Variants in ASS1 observed in about 807,000 individuals in gnomAD.
ASS1 encodes argininosuccinate synthase.
ASS1 carries 58 observed loss-of-function variants against 60.5 expected under a neutral mutation model. The ratio of observed to expected loss-of-function variants is 0.96; its 90% CI spans 0.78 to 1.19. The LOEUF (loss-of-function observed/expected upper bound fraction) is 1.19. ASS1 is among the 50% of genes most tolerant of loss of function. ASS1 has a pLI of 0.00. For synonymous variants in ASS1, 200 were observed against 206.9 expected, an observed-to-expected ratio of 0.97 and a Z score of 0.29; for missense variants, 454 against 547.3, an observed-to-expected ratio of 0.83 and a Z score of 1.70.
chr9:130,477,438 C>T lies in ASS1; in HGVS notation c.688+477C>T, dbSNP rs979793688. ...CCTGGGACCCCACATGGAAAGCCTT[C>T]GCCAGTCTTCATTGAGCCGCTCTGG... On this transcript the variant is annotated intron_variant, in intron 9 of 14. Coordinates refer to ENST00000352480, the MANE Select transcript of ASS1 (RefSeq NM_054012.4). The surrounding 1 kb of genome is among the most constrained non-coding windows in gnomAD (Gnocchi z 4.2). Among the ~76,000 whole-genome samples, 18 of 152,188 alleles carry T rather than the reference C, an allele frequency of 1.2e-4. No individual in the cohort carries two copies. Among genetic ancestry groups the T allele is most frequent in the Non-Finnish European group, 2.2e-4 (15 of 68,046 alleles).
At chr9:130,458,174 AAGAG>A (rs1014151743) in intron 3 of ASS1, among the ~76,000 whole-genome samples, 2 of 151,822 alleles carry the variant, frequency 1.3e-5, no homozygotes, top group African/African-American at 4.8e-5. Context: ...AAAAAAAAAA[AAGAG>A]AGCTATTGAT....
rs12375699 is a variant in ASS1 at position 130,489,707 on chromosome 9, C to T, written c.970+243C>T. Among the ~76,000 whole-genome samples, 48,562 of 152,060 alleles carry T rather than the reference C, an allele frequency of 0.32. 9,445 individuals carry two copies. Among genetic ancestry groups the T allele is most frequent in the Middle Eastern group, 0.48 (140 of 294 alleles). On this transcript the variant is annotated intron_variant, in intron 12 of 14. Transcript: ENST00000352480. This position sits in a 1 kb window ranked among gnomAD's most constrained non-coding sequence, Gnocchi z 4.1. ...ATGGGGTGTGTCCAGGGAGATGCACCGGCTTCCCAAGGTGTCCGGCAGCTT... is the reference window on the plus strand; with the variant it reads ...ATGGGGTGTGTCCAGGGAGATGCACTGGCTTCCCAAGGTGTCCGGCAGCTT...
intron 5 of ASS1, chr9:130,466,394 G>A (rs1845744219): frequency 2.4e-6 from 1 of 411,544 alleles, no homozygotes; most frequent in Admixed American, 3.6e-5. Flanking sequence ...GTGGCTGAAG[G>A]TGCTGGCAAG....
At chr9:130,467,536 G>A (rs770421687) in intron 6 of ASS1, among the ~76,000 whole-genome samples, 4 of 152,146 alleles carry the variant, frequency 2.6e-5, no homozygotes, top group African/African-American at 9.7e-5. Context: ...CCAAGGTGCC[G>A]CGTGGTAGGG....
At chr9:130,465,056 A>ATATATATATATATATATTTTTTTTTTTTT (rs1479147331) in intron 5 of ASS1, among the ~76,000 whole-genome samples, 1 of 120,150 alleles carries the variant, frequency 8.3e-6, no homozygotes, top group African/African-American at 3.6e-5. Flanking sequence ...ATATATATAT[A>ATATATATATATATATATTTTTTTTTTTTT]TTTTTTTTTT....
At chr9:130,499,719 C>T (rs1846696908) in intron 14 of ASS1, 149 bp downstream of exon 14, 1 of 780,552 alleles carries the variant, frequency 1.3e-6, no homozygotes, top group Non-Finnish European at 2.2e-6. Flanking sequence ...ACCCCACTTT[C>T]CTGTCCATCT....
intron 8 of ASS1, among the ~76,000 whole-genome samples, chr9:130,474,673 G>C (rs1447268885): frequency 6.6e-6 from 1 of 152,252 alleles, no homozygotes; most frequent in Non-Finnish European, 1.5e-5. Flanking sequence ...GCAGTTGGCA[G>C]GGTGGGCCAG....
At chr9:130,474,643 G>T (rs910447304) in intron 8 of ASS1, among the ~76,000 whole-genome samples, 2 of 152,214 alleles carry the variant, frequency 1.3e-5, no homozygotes, top group Admixed American at 1.3e-4. Context: ...CTTGGGACCC[G>T]TCTGTGCCCA....
chr9:130,476,972 A>T lies in ASS1; in HGVS notation c.688+11A>T, dbSNP rs1260286185. 1 of 1,611,228 alleles carries T rather than the reference A, an allele frequency of 6.2e-7. No individual in the cohort carries two copies. Among genetic ancestry groups the T allele is most frequent in the East Asian group, 2.2e-5 (1 of 44,836 alleles). On this transcript the variant is annotated intron_variant, in intron 9 of 14. Transcript: ENST00000352480. The surrounding 1 kb of genome is among the most constrained non-coding windows in gnomAD (Gnocchi z 4.9). ...TCGAGTTCAAAAAAGGTATGTGCCCACCTGTTGGGACTCGAAGGGGGTTGA... is the reference window on the plus strand; with the variant it reads ...TCGAGTTCAAAAAAGGTATGTGCCCTCCTGTTGGGACTCGAAGGGGGTTGA...
At chr9:130,456,049 G>T (rs1845442542) in intron 3 of ASS1, among the ~76,000 whole-genome samples, 1 of 152,266 alleles carries the variant, frequency 6.6e-6, no homozygotes, top group African/African-American at 2.4e-5. Context: ...GCAGGAGCAG[G>T]CTTTGTGCAC....
At chr9:130,500,838 A>T (rs1403022692) in intron 14 of ASS1, 138 bp from the exon 15 acceptor site, 2 of 811,404 alleles carry the variant, frequency 2.5e-6, no homozygotes, top group Non-Finnish European at 4.2e-6. Flanking sequence ...CGGGAGAGGG[A>T]ATAGAAAAAA....
intron 10 of ASS1, 146 bp downstream of exon 10, chr9:130,479,946 C>T (rs139777871): frequency 1.9e-4 from 193 of 993,178 alleles, no homozygotes; most frequent in Middle Eastern, 1.8e-3. Context: ...CAGAGTTTCC[C>T]GGACCAGGGG....
At chr9:130,467,182 C>CG (rs1845763410) in intron 6 of ASS1, among the ~76,000 whole-genome samples, 4 of 152,024 alleles carry the variant, frequency 2.6e-5, no homozygotes, top group South Asian at 2.1e-4. Flanking sequence ...GATGGCCGGC[C>CG]GGGGGGATGT....
rs994680464 is a variant in ASS1 at position 130,495,440 on chromosome 9, C to T, written c.1127+417C>T. On this transcript the variant is annotated intron_variant, in intron 13 of 14. Coordinates refer to ENST00000352480, the MANE Select transcript of ASS1 (RefSeq NM_054012.4). ...TCAAAAAAATATATATACACACACACATACATATATATATATATATACACA... is the reference window on the plus strand; with the variant it reads ...TCAAAAAAATATATATACACACACATATACATATATATATATATATACACA... 6.3e-5 allele frequency among the ~76,000 whole-genome samples: 9 copies of T among 143,034 alleles called. No individual in the cohort carries two copies. In the Admixed American group the frequency reaches 6.8e-4, roughly 11 times the overall value. The allele number at this position is 143,034 out of a possible 152,430, so 93.8% of individuals were successfully genotyped here.
At chr9:130,473,762 C>T (rs938209889) in intron 8 of ASS1, among the ~76,000 whole-genome samples, 6 of 152,104 alleles carry the variant, frequency 3.9e-5, no homozygotes, top group Admixed American at 2.0e-4. Flanking sequence ...TTTCTGCCTC[C>T]GTGAGGGCTG....
intron 12 of ASS1, among the ~76,000 whole-genome samples, chr9:130,493,126 G>C (rs1413966128): frequency 2.6e-5 from 4 of 152,114 alleles, no homozygotes; most frequent in Non-Finnish European, 5.9e-5. Flanking sequence ...AACATCAGTG[G>C]CCCCCTCCAC....
intron 11 of ASS1, among the ~76,000 whole-genome samples, chr9:130,481,620 G>A (rs1033145158): frequency 1.3e-5 from 2 of 152,218 alleles, no homozygotes; most frequent in African/African-American, 4.8e-5. Flanking sequence ...CCTTGGACTT[G>A]TCATCTATCG....
In ASS1 at chr9:130,489,251, T is replaced by A. The variant is rs1378373818; in HGVS notation, c.839-82T>A. 1.3e-6 allele frequency: 2 copies of A among 1,553,454 alleles called. No individual in the cohort carries two copies. The highest frequency in any genetic ancestry group is 1.4e-5 in the African/African-American group (1 of 73,168). On this transcript the variant is annotated intron_variant, in intron 11 of 14. Transcript: ENST00000352480. The surrounding 1 kb of genome is among the most constrained non-coding windows in gnomAD (Gnocchi z 4.1). ...ACGACTCATTATTATTATTATTTTT[T>A]TTTTTGTCATTTGCTGACAGTTTGG...
intron 1 of ASS1, among the ~76,000 whole-genome samples, chr9:130,450,504 GT>G (rs1845302490): frequency 6.6e-6 from 1 of 152,212 alleles, no homozygotes; most frequent in Admixed American, 6.5e-5. Flanking sequence ...CAGTAGGGAC[GT>G]TGTGGGCACC....
Sources: allele counts gnomAD v4.1 joint callset (sites outside exome capture counted in the v4.1 genomes callset), GRCh38; gene constraint gnomAD v4.1.1; non-coding constraint Gnocchi (gnomAD v3.1); transcripts MANE v1.5; gene names NCBI Gene and HGNC (gene_info 2026-07-23, HGNC 2026-07-21).